The following XPR1 variants were observed in gnomAD, a reference collection of about 807,000 sequenced individuals.
XPR1 encodes the protein xenotropic and polytropic retrovirus receptor 1.
Under a neutral mutation model 87.5 loss-of-function variants are expected in XPR1, and 28 were observed. The observed-to-expected ratio is 0.32, with a 90% CI of 0.24 to 0.44. The LOEUF (loss-of-function observed/expected upper bound fraction) is 0.44, where lower values mean the gene tolerates loss of function less well. XPR1 is among the 20% of genes least tolerant of loss of function. The pLI, the probability that XPR1 is intolerant of heterozygous loss-of-function variation, is 1.00. For missense variants in XPR1, 559 were observed against 862.3 expected, an observed-to-expected ratio of 0.65 and a Z score of 4.41; for synonymous variants, 300 against 306.1, an observed-to-expected ratio of 0.98 and a Z score of 0.21.
chr1:180,718,449 G>A (rs1243816128), intron 2 of XPR1, among the ~76,000 whole-genome samples: 1 of 152,062 alleles, frequency 6.6e-6, no homozygotes, highest in East Asian at 1.9e-4. Context: ...AAATAAAATT[G>A]TTGGAGATGT....
intron 11 of XPR1, among the ~76,000 whole-genome samples, chr1:180,850,485 T>C (rs1031191824): frequency 6.6e-6 from 1 of 152,202 alleles, no homozygotes; most frequent in Non-Finnish European, 1.5e-5. Context: ...TTCTGATTAC[T>C]ATATTCTGTA....
chr1:180,883,539 T>C (rs2102230449), intron 14 of XPR1, among the ~76,000 whole-genome samples: 1 of 152,048 alleles, frequency 6.6e-6, no homozygotes, highest in South Asian at 2.1e-4. Context: ...TGAAAGCCCA[T>C]CTCTACTAAA....
intron 1 of XPR1, among the ~76,000 whole-genome samples, chr1:180,654,777 A>G (rs1655399743): frequency 6.6e-6 from 1 of 152,214 alleles, no homozygotes; most frequent in Admixed American, 6.5e-5. Flanking sequence ...TTATTCTACT[A>G]TATGAATATA....
chr1:180,710,885 C>T (rs1181355183), intron 2 of XPR1, among the ~76,000 whole-genome samples: 5 of 145,174 alleles, frequency 3.4e-5, no homozygotes, highest in Non-Finnish European at 7.6e-5. Context: ...CTGCCCCCCA[C>T]CTCCCAGACG....
chr1:180,835,022 G>T lies in XPR1; in HGVS notation c.1283G>T (p.Gly428Val), dbSNP rs757269511. The change falls in exon 10 of 15, where the codon GGC (glycine) becomes GTC (valine). Residue 428 changes from glycine to valine, a missense_variant. Transcript: ENST00000367590. ...GAGCTCAAATGGGATGAAAGTAAGGGCCTGTTGCCAAATAATTCAGAAGGT... is the reference window on the plus strand; with the variant it reads ...GAGCTCAAATGGGATGAAAGTAAGGTCCTGTTGCCAAATAATTCAGAAGGT... ...SLELKWDESK[G>V]LLPNNSEESG... is the part of the protein sequence containing the mutation. 6.2e-7 allele frequency: 1 copy of T among 1,613,878 alleles called. No homozygotes were observed. The highest frequency in any genetic ancestry group is 1.1e-5 in the South Asian group (1 of 91,014).
chr1:180,682,452 C>G (rs755241173), intron 2 of XPR1, 41 bp downstream of exon 2: 1 of 1,538,920 alleles, frequency 6.5e-7, no homozygotes, highest in Admixed American at 1.9e-5. Context: ...CAGAAAACCT[C>G]TTTTTAAGGA....
chr1:180,695,468 T>A (rs1330436630), intron 2 of XPR1, among the ~76,000 whole-genome samples: 1 of 151,686 alleles, frequency 6.6e-6, no homozygotes. Context: ...GCGCTTTTGT[T>A]GCCTGCGCTT....
chr1:180,859,855 T>C (rs1210049004), intron 11 of XPR1, among the ~76,000 whole-genome samples: 1 of 152,166 alleles, frequency 6.6e-6, no homozygotes, highest in African/African-American at 2.4e-5. Context: ...AAAATTGTCT[T>C]AATCAAAATT....
At chr1:180,846,308 G>T (rs964952432) in intron 11 of XPR1, among the ~76,000 whole-genome samples, 1 of 151,492 alleles carries the variant, frequency 6.6e-6, no homozygotes, top group African/African-American at 2.4e-5. Flanking sequence ...ATTTGTTAAA[G>T]CTGGCTAGCA....
At chr1:180,677,143 G>A (rs78574352) in intron 1 of XPR1, among the ~76,000 whole-genome samples, 9 of 152,256 alleles carry the variant, frequency 5.9e-5, no homozygotes, top group Admixed American at 2.0e-4. Flanking sequence ...TCATAAGACC[G>A]CCCCTGCTTA....
intron 1 of XPR1, among the ~76,000 whole-genome samples, chr1:180,670,599 T>C (rs962401825): frequency 2.0e-5 from 3 of 152,212 alleles, no homozygotes; most frequent in African/African-American, 7.2e-5. Flanking sequence ...TTGAATGTGT[T>C]AGACTCTTAA....
At chr1:180,698,425 G>T (rs1026111653) in intron 2 of XPR1, among the ~76,000 whole-genome samples, 3 of 152,074 alleles carry the variant, frequency 2.0e-5, no homozygotes, top group African/African-American at 4.8e-5. Context: ...TTACACTCAA[G>T]GTTATTATTG....
intron 2 of XPR1, among the ~76,000 whole-genome samples, chr1:180,723,903 T>C (rs1019063742): frequency 6.6e-6 from 1 of 152,230 alleles, no homozygotes; most frequent in Non-Finnish European, 1.5e-5. Context: ...GGATGTTGTA[T>C]ATGACCATTA....
At chr1:180,718,420 C>T (rs1658069030) in intron 2 of XPR1, among the ~76,000 whole-genome samples, 1 of 152,000 alleles carries the variant, frequency 6.6e-6, no homozygotes, top group South Asian at 2.1e-4. Context: ...AGAACTTTCA[C>T]GTAGTTAAAT....
At chr1:180,864,798 A>G (rs1473319976) in intron 12 of XPR1, among the ~76,000 whole-genome samples, 10 of 152,338 alleles carry the variant, frequency 6.6e-5, no homozygotes, top group South Asian at 2.1e-4. Context: ...AAATTAAACA[A>G]TGAACTGGTA....
chr1:180,794,068 G>C (rs933836556), intron 3 of XPR1, among the ~76,000 whole-genome samples: 1 of 152,088 alleles, frequency 6.6e-6, no homozygotes, highest in Non-Finnish European at 1.5e-5. Flanking sequence ...ATATAGTTAC[G>C]TGTCACTTAA....
chr1:180,835,994 A>C (rs373702335), intron 10 of XPR1, among the ~76,000 whole-genome samples: 6 of 152,140 alleles, frequency 3.9e-5, no homozygotes, highest in African/African-American at 1.4e-4. Flanking sequence ...TAAATCTGAG[A>C]GAGCAAATTT....
chr1:180,695,282 C>T (rs1406686124), intron 2 of XPR1, among the ~76,000 whole-genome samples: 2 of 152,074 alleles, frequency 1.3e-5, no homozygotes, highest in Non-Finnish European at 2.9e-5. Context: ...CTTGGGTATT[C>T]TGGATACTAT....
At chr1:180,851,275 A>G (rs73044560) in intron 11 of XPR1, among the ~76,000 whole-genome samples, 2,556 of 152,314 alleles carry the variant, frequency 0.017, 80 homozygotes, top group African/African-American at 0.056. Context: ...TTAGTTAACA[A>G]ACCTTTACTG....
Sources: gnomAD v4.1 joint callset for allele counts (sites outside exome capture counted in the v4.1 genomes callset) on GRCh38, gnomAD v4.1.1 for gene constraint, MANE v1.5 for transcripts, NCBI Gene and HGNC (gene_info 2026-07-23, HGNC 2026-07-21) for gene names.